The following HUWE1 variants were observed in gnomAD, a reference collection of about 807,000 sequenced individuals.
The protein encoded by HUWE1 is HECT, UBA and WWE domain containing E3 ubiquitin protein ligase 1.
HUWE1 carries 18 observed loss-of-function variants against 299.4 expected under a neutral mutation model. The observed-to-expected ratio is 0.06, with a 90% CI of 0.04 to 0.09. HUWE1 has a LOEUF of 0.09. Among genes scored for constraint, HUWE1 ranks in the 10% least tolerant of loss-of-function variants. The probability of loss-of-function intolerance (pLI) is 1.00; values close to 1 mark genes in which losing one functional copy is unlikely to be tolerated. For missense variants in HUWE1, 1,832 were observed against 3,462.3 expected (o/e 0.53, Z 11.82); for synonymous variants, 1,317 against 1,286.1 (o/e 1.02, Z -0.51).
intron 19 of HUWE1, among the ~76,000 whole-genome samples, 174 bp downstream of exon 19, chrX:53,624,421 C>T (rs1263901493): frequency 1.2e-4 from 13 of 112,056 alleles, no homozygotes; most frequent in African/African-American, 3.9e-4. Flanking sequence ...CGCTTTAACC[C>T]GGGAGGCAGA....
intron 74 of HUWE1, 145 bp downstream of exon 74, chrX:53,542,298 C>A: frequency 1.9e-6 from 1 of 512,855 alleles, no homozygotes; most frequent in Non-Finnish European, 3.5e-6. Context: ...TTGTCAAACA[C>A]CTGTCATCAT....
At chrX:53,676,695 A>G (rs1557051245) in intron 3 of HUWE1, among the ~76,000 whole-genome samples, 1 of 111,727 alleles carries the variant, frequency 9.0e-6, no homozygotes, top group African/African-American at 3.3e-5. Flanking sequence ...AGCCAACTTT[A>G]AGAGAGTTCC....
In HUWE1 at chrX:53,566,104, T is replaced by TATGC. The variant is rs1348476476; in HGVS notation, c.6708-866_6708-865insGCAT. On this transcript the variant is annotated intron_variant, in intron 49 of 83. Transcript: ENST00000262854. ...TTATGTGTGAGTCTATGTATGTATG[T>TATGC]ATGTATGTATGTATGTGTGTGTGTG... Among the ~76,000 whole-genome samples the TATGC allele has an allele frequency of 2.2e-4, 10 of 46,004 alleles. No individual in the cohort carries two copies. The Admixed American group carries it at 2.6e-3, about 12-fold the overall frequency. The allele number at this position is 46,004 out of a possible 115,157, so 39.9% of individuals were successfully genotyped here.
chrX:53,603,547 A>G (rs974530197), intron 26 of HUWE1, 46 bp from the exon 27 acceptor site: 1 of 1,163,413 alleles, frequency 8.6e-7, no homozygotes, highest in Non-Finnish European at 1.2e-6. Context: ...TCTCTGAACA[A>G]TTATACTTAA....
Position 53,624,605 on chromosome X carries a change from G to A in HUWE1, c.1662C>T (p.Leu554=), listed in dbSNP as rs781881715. 23 of 1,195,068 alleles carry A rather than the reference G, an allele frequency of 1.9e-5. No homozygotes were observed. Among genetic ancestry groups the A allele is most frequent in the Non-Finnish European group, 2.6e-5 (23 of 881,286 alleles). Residue 554 remains leucine (L), a synonymous_variant, in exon 19 of 84, where the codon CTC becomes CTT. Coordinates refer to ENST00000262854, the MANE Select transcript of HUWE1 (RefSeq NM_031407.7). ...ISNAEYYGPS[L]FLLATEVVTV... The stretch of plus-strand genomic sequence containing the variant: ...ATCAACTCCACTTACCTAGGAGGAA[G>A]AGTGATGGGCCATAGTATTCTGCAT...
At chrX:53,546,682 G>T in intron 69 of HUWE1, 22 bp downstream of exon 69, 3 of 1,210,993 alleles carry the variant, frequency 2.5e-6, no homozygotes, top group Non-Finnish European at 3.4e-6. Flanking sequence ...AGTCTTAGCA[G>T]ATCAGAAGAG....
In HUWE1 at chrX:53,547,875, G is replaced by A. The variant is rs782089185; in HGVS notation, c.10434C>T (p.Ser3478=). 4.1e-4 allele frequency: 489 copies of A among 1,205,275 alleles called. 1 individual carries two copies. The South Asian group carries it at 8.3e-3, about 20-fold the overall frequency. Residue 3478 remains serine, a synonymous_variant, in exon 68 of 84, where the codon AGC becomes AGT. Transcript: ENST00000262854. ...KVSEAQANSG[S]GASSTTTATS... ...TGGCAGTGGTGGTGGAGGAAGCACC[G>A]CTGCCAGAATTAGCCTGTGCTTCTG...
At chrX:53,566,133 G>GTGTGTATATATATATA (rs782815282) in intron 49 of HUWE1, among the ~76,000 whole-genome samples, 25 of 38,961 alleles carry the variant, frequency 6.4e-4, no homozygotes, top group Admixed American at 1.7e-3. Context: ...GTGTGTGTGT[G>GTGTGTATATATATATA]TATATATATA....
intron 43 of HUWE1, among the ~76,000 whole-genome samples, chrX:53,579,358 A>G (rs1249180540): frequency 8.3e-5 from 8 of 96,367 alleles, no homozygotes; most frequent in Middle Eastern, 6.8e-3. Context: ...CAGCCGCCCC[A>G]TCCGGGAGGT....
Position 53,534,819 on chromosome X carries a change from C to G in HUWE1, c.12650-122G>C, listed in dbSNP as rs1434479773. Reference sequence around the variant, plus strand: ...GGACTACAGGCATGCACCACCACAACTGGTTAATTCTGCCCAGGCTAGTCT... The same window carrying G: ...GGACTACAGGCATGCACCACCACAAGTGGTTAATTCTGCCCAGGCTAGTCT... On this transcript the variant is annotated intron_variant, in intron 81 of 83. Coordinates refer to ENST00000262854, the MANE Select transcript of HUWE1 (RefSeq NM_031407.7). The G allele has an allele frequency of 1.4e-5, 8 of 569,566 alleles. No individual in the cohort carries two copies. In the South Asian group the frequency reaches 2.0e-4, roughly 15 times the overall value. 46.9% of individuals were successfully genotyped at this position (569,566 alleles called of 1,213,427 possible). A position where few individuals can be genotyped will look rare whatever the true frequency, so the allele number is the denominator to read the frequency against.
intron 3 of HUWE1, among the ~76,000 whole-genome samples, chrX:53,672,023 T>C (rs1464007479): frequency 1.9e-5 from 2 of 105,979 alleles, no homozygotes; most frequent in Non-Finnish European, 3.9e-5. Context: ...GAATACAATG[T>C]AGCCATTAAA....
chrX:53,546,029 G>A (rs1402707260), intron 70 of HUWE1, among the ~76,000 whole-genome samples: 1 of 111,777 alleles, frequency 8.9e-6, no homozygotes, highest in Non-Finnish European at 1.9e-5. Context: ...AAAGCAGAGA[G>A]TACTATTCTG....
intron 67 of HUWE1, 96 bp downstream of exon 67, chrX:53,548,863 C>T (rs782237198): frequency 2.7e-6 from 2 of 749,680 alleles, no homozygotes; most frequent in East Asian, 7.0e-5. Flanking sequence ...AAAATAAGAG[C>T]AAAAAGACAC....
chrX:53,561,668 C>T, intron 55 of HUWE1, 88 bp downstream of exon 55: 5 of 1,180,582 alleles, frequency 4.2e-6, no homozygotes, highest in South Asian at 1.8e-5. Context: ...CTGTCTGTAT[C>T]GGATCGGTTT....
chrX:53,575,131 G>T lies in HUWE1; in HGVS notation c.6097+24C>A. 3 of 1,142,885 alleles carry T rather than the reference G, an allele frequency of 2.6e-6. No individual in the cohort carries two copies. In the South Asian group the frequency reaches 5.6e-5, roughly 21 times the overall value. The allele number at this position is 1,142,885 out of a possible 1,213,427, so 94.2% of individuals were successfully genotyped here. On this transcript the variant is annotated intron_variant, in intron 46 of 83. Coordinates refer to ENST00000262854, the MANE Select transcript of HUWE1 (RefSeq NM_031407.7). ...TGTTTTCCTAAGGAATAAGAACATGGTAGTGAGAAAAGCAAATCATTACCC... is the reference window on the plus strand; with the variant it reads ...TGTTTTCCTAAGGAATAAGAACATGTTAGTGAGAAAAGCAAATCATTACCC...
intron 16 of HUWE1, 60 bp from the exon 17 acceptor site, chrX:53,627,575 A>G: frequency 2.9e-6 from 2 of 693,354 alleles, no homozygotes; most frequent in Non-Finnish European, 4.1e-6. Flanking sequence ...TTTTTTTTTC[A>G]GGGATTAAAA....
intron 2 of HUWE1, among the ~76,000 whole-genome samples, chrX:53,683,274 G>C (rs1032639911): frequency 9.0e-6 from 1 of 110,905 alleles, no homozygotes; most frequent in Non-Finnish European, 1.9e-5. Flanking sequence ...AATTAGGAGG[G>C]GTGTGGGGAG....
intron 27 of HUWE1, 74 bp downstream of exon 27, chrX:53,603,294 C>T: frequency 9.3e-7 from 1 of 1,077,776 alleles, no homozygotes. Flanking sequence ...ACCCTCCTAT[C>T]CCCAACCAAA....
At chrX:53,628,301 A>G (rs1557019717) in intron 15 of HUWE1, among the ~76,000 whole-genome samples, 192 bp downstream of exon 15, 1 of 111,020 alleles carries the variant, frequency 9.0e-6, no homozygotes, top group Non-Finnish European at 1.9e-5. Context: ...CAATAATGGA[A>G]GTAGCTGCTC....
Sources: gnomAD v4.1 joint callset for allele counts (sites outside exome capture counted in the v4.1 genomes callset) on GRCh38, gnomAD v4.1.1 for gene constraint, MANE v1.5 for transcripts, NCBI Gene and HGNC (gene_info 2026-07-23, HGNC 2026-07-21) for gene names.